Variants in NRSN2 observed in about 807,000 individuals in gnomAD.
NRSN2 encodes the protein neurensin 2.
NRSN2 carries 10 observed loss-of-function variants against 11.1 expected under a neutral mutation model. The ratio of observed to expected loss-of-function variants is 0.90; its 90% CI spans 0.56 to 1.53. The LOEUF (loss-of-function observed/expected upper bound fraction) is 1.53. NRSN2 is among the 40% of genes most tolerant of loss of function. The pLI is 0.00. For synonymous variants in NRSN2, 100 were observed against 117.0 expected (o/e 0.86, Z 0.94); for missense variants, 260 against 273.7 (o/e 0.95, Z 0.35).
rs2014101126 is a variant in NRSN2 at position 353,138 on chromosome 20, T to G, written c.190-72T>G. ...GGGTTACCCTTAAGTCTGGTGAGGA[T>G]CCAAGGTGATCCCTTGGCCAGGGGC... On this transcript the variant is annotated intron_variant, in intron 4 of 4. Coordinates refer to ENST00000382285, the MANE Select transcript of NRSN2 (RefSeq NM_001323682.2). 2.8e-6 allele frequency: 4 copies of G among 1,407,772 alleles called. No homozygotes were observed. The Admixed American group carries it at 8.0e-5, about 28-fold the overall frequency. The allele number at this position is 1,407,772 out of a possible 1,614,324, so 87.2% of individuals were successfully genotyped here.
rs757940485 is a variant in NRSN2 at position 349,787 on chromosome 20, T to A, written c.144T>A (p.Pro48=). 1 of 1,613,492 alleles carries A rather than the reference T, an allele frequency of 6.2e-7. No individual in the cohort carries two copies. Reference sequence around the variant, plus strand: ...CTCTCAGCGACGACCCTGAGGGACCTCCGGTCCTGTGCCCCCGCCGGCCCT... The same window carrying A: ...CTCTCAGCGACGACCCTGAGGGACCACCGGTCCTGTGCCCCCGCCGGCCCT... ...GTALSDDPEG[P]PVLCPRRPWP... is the part of the protein sequence containing the mutation. Residue 48 remains proline (P), a synonymous_variant, in exon 4 of 5, where the codon CCT becomes CCA. Coordinates refer to ENST00000382285, the MANE Select transcript of NRSN2 (RefSeq NM_001323682.2).
chr20:353,953 C>G lies in NRSN2; in HGVS notation c.*318C>G, dbSNP rs970822661. ...GACCTTGGGCAAACCCTTGCCCTTT[C>G]AAGCCATCAGCTCCTGCCTCTCTGC... On this transcript the variant is annotated 3_prime_UTR_variant, in exon 5 of 5. Transcript: ENST00000382285. 2 of 373,358 alleles carry G rather than the reference C, an allele frequency of 5.4e-6. No homozygotes were observed. Among genetic ancestry groups the G allele is most frequent in the Admixed American group, 9.2e-5 (2 of 21,784 alleles). 23.1% of individuals were successfully genotyped at this position (373,358 alleles called of 1,614,324 possible). A position where few individuals can be genotyped will look rare whatever the true frequency, so the allele number is the denominator to read the frequency against.
Position 353,597 on chromosome 20 carries a change from T to C in NRSN2, c.577T>C (p.Ser193Pro). The C allele has an allele frequency of 1.2e-6, 2 of 1,614,146 alleles. No homozygotes were observed. The highest frequency in any genetic ancestry group is 1.7e-6 in the Non-Finnish European group (2 of 1,180,022). ...FSPPASPFGQSSVQTIQPKRD... is the reference protein window; with the variant it reads ...FSPPASPFGQPSVQTIQPKRD... Reference sequence around the variant, plus strand: ...GCCACCCGCCAGCCCCTTTGGGCAATCTTCTGTGCAGACTATCCAGCCCAA... The same window carrying C: ...GCCACCCGCCAGCCCCTTTGGGCAACCTTCTGTGCAGACTATCCAGCCCAA... The change falls in exon 5 of 5, where the codon TCT (serine) becomes CCT (proline). Residue 193 changes from serine (S) to proline (P), a missense_variant. By Grantham distance (74) the Ser-to-Pro change is moderately conservative (BLOSUM62 -1). Coordinates refer to ENST00000382285, the MANE Select transcript of NRSN2 (RefSeq NM_001323682.2).
intron 2 of NRSN2, among the ~76,000 whole-genome samples, chr20:348,724 T>C (rs944953196): frequency 7.9e-5 from 12 of 151,794 alleles, no homozygotes; most frequent in African/African-American, 2.7e-4. Context: ...TAATTAAGGC[T>C]GAGGGCCATC....
chr20:349,651 C>A lies in NRSN2; in HGVS notation c.8C>A (p.Pro3Gln). 1 of 1,610,596 alleles carries A rather than the reference C, an allele frequency of 6.2e-7. No individual in the cohort carries two copies. The highest frequency in any genetic ancestry group is 8.5e-7 in the Non-Finnish European group (1 of 1,178,924). The change falls in exon 4 of 5, where the codon CCG becomes CAG. Residue 3 changes from proline to glutamine, a missense_variant. Coordinates refer to ENST00000382285, the MANE Select transcript of NRSN2 (RefSeq NM_001323682.2). ...CCTGCTCCCCAGGGGTCCATGATGC[C>A]GAGCTGCAATCGTTCCTGCAGCTGC... MM[P>Q]SCNRSCSCSR...
intron 4 of NRSN2, among the ~76,000 whole-genome samples, chr20:351,647 C>A (rs1027582277): frequency 2.6e-5 from 4 of 152,178 alleles, no homozygotes; most frequent in African/African-American, 9.7e-5. Context: ...GTAAATCTAA[C>A]AAAATATCTG....
chr20:351,120 T>G (rs1600225833), intron 4 of NRSN2, among the ~76,000 whole-genome samples: 1 of 152,168 alleles, frequency 6.6e-6, no homozygotes, highest in Non-Finnish European at 1.5e-5. Context: ...TCCCAGCTAC[T>G]CTGGAGGCTG....
rs572958333 is a variant in NRSN2, at chr20:353,643, A to G, written c.*8A>G. 6.2e-7 allele frequency: 1 copy of G among 1,609,422 alleles called. No homozygotes were observed. The highest frequency in any genetic ancestry group is 8.5e-7 in the Non-Finnish European group (1 of 1,178,900). The stretch of plus-strand genomic sequence containing the variant: ...CCCAAGAGGGACTCCTGAGCTGCCC[A>G]CATGGCCTAAGATGTGGGTCCTGGA... On this transcript the variant is annotated 3_prime_UTR_variant, in exon 5 of 5. Coordinates refer to ENST00000382285, the MANE Select transcript of NRSN2 (RefSeq NM_001323682.2).
rs761781812 is a variant in NRSN2 at position 349,681 on chromosome 20, G to A, written c.38G>A (p.Arg13His). Residue 13 changes from arginine to histidine, a missense_variant, in exon 4 of 5, where the codon CGC (arginine) becomes CAC (histidine). Transcript: ENST00000382285. Reference sequence around the variant, plus strand: ...TGCAATCGTTCCTGCAGCTGCAGCCGCGGCCCCAGCGTGGAGGATGGCAAG... The same window carrying A: ...TGCAATCGTTCCTGCAGCTGCAGCCACGGCCCCAGCGTGGAGGATGGCAAG... ...PSCNRSCSCS[R>H]GPSVEDGKWY... is the part of the protein sequence containing the mutation. 1.3e-5 allele frequency: 21 copies of A among 1,612,686 alleles called. No homozygotes were observed. The highest frequency in any genetic ancestry group is 1.7e-4 in the Middle Eastern group (1 of 5,902).
chr20:349,789 C>T lies in NRSN2; in HGVS notation c.146C>T (p.Pro49Leu), dbSNP rs1396291990. 12 of 1,613,492 alleles carry T rather than the reference C, an allele frequency of 7.4e-6. No homozygotes were observed. The highest frequency in any genetic ancestry group is 2.2e-5 in the East Asian group (1 of 44,870). The change falls in exon 4 of 5, where the codon CCG becomes CTG. Residue 49 changes from proline to leucine, a missense_variant. Physicochemically the swap from Pro to Leu is moderately conservative, Grantham distance 98. Transcript: ENST00000382285. ...CTCAGCGACGACCCTGAGGGACCTCCGGTCCTGTGCCCCCGCCGGCCCTGG... is the reference window on the plus strand; with the variant it reads ...CTCAGCGACGACCCTGAGGGACCTCTGGTCCTGTGCCCCCGCCGGCCCTGG... Reference protein sequence around the residue: ...TALSDDPEGPPVLCPRRPWPS... With the variant: ...TALSDDPEGPLVLCPRRPWPS...
intron 2 of NRSN2, chr20:348,300 G>C (rs1312432333): frequency 6.6e-6 from 1 of 152,516 alleles, no homozygotes; most frequent in Non-Finnish European, 1.5e-5. Context: ...ACGGTCCTTC[G>C]CTTTCAGTCT....
chr20:349,346 C>A lies in NRSN2; in HGVS notation c.-24C>A. On this transcript the variant is annotated 5_prime_UTR_variant, in exon 3 of 5. Coordinates refer to ENST00000382285, the MANE Select transcript of NRSN2 (RefSeq NM_001323682.2). ...GACTCCAGTCCAAGTGGTCAGGCTC[C>A]AGAGCCCACAGTCCCAGGTACTGGG... is the stretch of plus-strand genomic sequence containing the variant. 3.7e-6 allele frequency: 1 copy of A among 268,400 alleles called. No individual in the cohort carries two copies. The highest frequency in any genetic ancestry group is 9.3e-5 in the South Asian group (1 of 10,714). 16.6% of individuals were successfully genotyped at this position (268,400 alleles called of 1,614,324 possible). A position where few individuals can be genotyped will look rare whatever the true frequency, so the allele number is the denominator to read the frequency against.
chr20:353,697 T>A lies in NRSN2; in HGVS notation c.*62T>A. The A allele has an allele frequency of 6.6e-7, 1 of 1,508,756 alleles. No individual in the cohort carries two copies. Among genetic ancestry groups the A allele is most frequent in the Non-Finnish European group, 9.0e-7 (1 of 1,109,460 alleles). The allele number at this position is 1,508,756 out of a possible 1,614,324, so 93.5% of individuals were successfully genotyped here. ...TTCCCCCCTTCTCACCATAACCCCC[T>A]CTCAGTGTTTCCCCAACTTCTCCCT... On this transcript the variant is annotated 3_prime_UTR_variant, in exon 5 of 5. Coordinates refer to ENST00000382285, the MANE Select transcript of NRSN2 (RefSeq NM_001323682.2).
At chr20:351,865 G>A (rs561613290) in intron 4 of NRSN2, among the ~76,000 whole-genome samples, 17 of 152,236 alleles carry the variant, frequency 1.1e-4, no homozygotes, top group Admixed American at 3.3e-4. Context: ...GGACTGAGTC[G>A]GGTCCCTTGC....
At chr20:353,189 G>A (rs374273254) in intron 4 of NRSN2, 21 bp from the exon 5 acceptor site, 6 of 1,609,758 alleles carry the variant, frequency 3.7e-6, no homozygotes, top group Admixed American at 1.7e-5. Flanking sequence ...ACTGCTTCCT[G>A]GTCTGTCTGC....
At position 347,417 on chromosome 20, in the gene NRSN2, A is replaced by AC. The variant is rs1487244428; in HGVS notation, c.-200-13dup. The AC allele has an allele frequency of 1.3e-4, 19 of 151,224 alleles. No homozygotes were observed. The highest frequency in any genetic ancestry group is 3.4e-4 in the African/African-American group (14 of 41,082). The allele number at this position is 151,224 out of a possible 1,614,324, so 9.4% of individuals were successfully genotyped here. On this transcript the variant is annotated splice_polypyrimidine_tract_variant and intron_variant, in intron 1 of 4. Coordinates refer to ENST00000382285, the MANE Select transcript of NRSN2 (RefSeq NM_001323682.2). The surrounding 1 kb of genome is among the most constrained non-coding windows in gnomAD (Gnocchi z 7.0). ...GCCAACACTTCAAAAACCCATTCCT[A>AC]CCCCTCTCTGCCTCAGTTTCTCTCT...
At chr20:352,616 T>C (rs532915666) in intron 4 of NRSN2, among the ~76,000 whole-genome samples, 15 of 152,356 alleles carry the variant, frequency 9.8e-5, no homozygotes, top group East Asian at 3.9e-4. Flanking sequence ...TCAGCAAACA[T>C]TTATTCAGCC....
At chr20:348,716 A>G (rs543964255) in intron 2 of NRSN2, among the ~76,000 whole-genome samples, 3 of 151,966 alleles carry the variant, frequency 2.0e-5, no homozygotes, top group East Asian at 1.9e-4. Context: ...GAGGCTGCTA[A>G]TTAAGGCTGA....
intron 4 of NRSN2, among the ~76,000 whole-genome samples, chr20:352,208 A>G (rs190457573): frequency 1.5e-3 from 231 of 152,334 alleles, no homozygotes; most frequent in Non-Finnish European, 2.6e-3. Context: ...TGTCTTTAAC[A>G]GCCAAGGAGA....
Sources: allele counts gnomAD v4.1 joint callset (sites outside exome capture counted in the v4.1 genomes callset), GRCh38; gene constraint gnomAD v4.1.1; non-coding constraint Gnocchi (gnomAD v3.1); transcripts MANE v1.5; gene names NCBI Gene and HGNC (gene_info 2026-07-23, HGNC 2026-07-21).